The following LRRIQ1 variants were observed in gnomAD, a reference collection of about 807,000 sequenced individuals.
LRRIQ1 encodes the protein leucine rich repeats and IQ motif containing 1.
In LRRIQ1, 210 loss-of-function variants were observed where a neutral mutation model predicts 211.9. That is an observed-to-expected ratio of 0.99 (90% confidence interval 0.89 to 1.11). The LOEUF is 1.11. LRRIQ1 is among the 50% of genes most tolerant of loss of function. LRRIQ1 has a pLI of 0.00. For synonymous variants in LRRIQ1, 699 were observed against 650.1 expected (o/e 1.08, Z -1.14); for missense variants, 2,136 against 1,939.5 (o/e 1.10, Z -1.90).
At chr12:85,220,599 C>CT (rs555880569) in intron 24 of LRRIQ1, among the ~76,000 whole-genome samples, 7 of 149,964 alleles carry the variant, frequency 4.7e-5, no homozygotes, top group East Asian at 1.9e-4. Context: ...AGTAGTGTTT[C>CT]TTTTTTTTGG....
intron 11 of LRRIQ1, among the ~76,000 whole-genome samples, chr12:85,095,040 G>C (rs2136251482): frequency 6.6e-6 from 1 of 152,230 alleles, no homozygotes; most frequent in South Asian, 2.1e-4. Flanking sequence ...GGATTTTCTA[G>C]ATGTAGAATC....
chr12:85,163,020 T>G (rs1437284290), intron 24 of LRRIQ1, among the ~76,000 whole-genome samples: 3 of 152,186 alleles, frequency 2.0e-5, no homozygotes, highest in Non-Finnish European at 4.4e-5. Flanking sequence ...TGTTCATTGC[T>G]GGCCAAGTTG....
In LRRIQ1 at chr12:85,223,330, A is replaced by T. The variant is rs1439849651; in HGVS notation, c.4823-6187A>T. Among the ~76,000 whole-genome samples, 3 of 152,102 alleles carry T rather than the reference A, an allele frequency of 2.0e-5. No individual in the cohort carries two copies. In the East Asian group the frequency reaches 5.8e-4, roughly 29 times the overall value. ...CAACATCTAAAGGAATCTAAAAAGG[A>T]TCCTGAAGGGAGGGAATACTTGATG... On this transcript the variant is annotated intron_variant, in intron 24 of 26. Coordinates refer to ENST00000393217, the MANE Select transcript of LRRIQ1 (RefSeq NM_001079910.2).
chr12:85,214,877 C>T (rs1894004250), intron 24 of LRRIQ1, among the ~76,000 whole-genome samples: 1 of 151,940 alleles, frequency 6.6e-6, no homozygotes, highest in African/African-American at 2.4e-5. Context: ...CCACATACAT[C>T]GAAAGATGTC....
intron 1 of LRRIQ1, among the ~76,000 whole-genome samples, chr12:85,260,842 T>C (rs1199747495): frequency 6.6e-6 from 1 of 152,208 alleles, no homozygotes; most frequent in Non-Finnish European, 1.5e-5. Flanking sequence ...AAATAGTAAG[T>C]AGAAGGAGGA....
rs750836411 is a variant in LRRIQ1 at position 85,056,658 on chromosome 12, A to G, written c.1865A>G (p.Lys622Arg). Reference sequence around the variant, plus strand: ...CTCTCACTAACATCAGAAAATTCCAAAGATGTAAGAGAAAACGTAATATTA... The same window carrying G: ...CTCTCACTAACATCAGAAAATTCCAGAGATGTAAGAGAAAACGTAATATTA... The part of the protein sequence containing the change: ...RSLSLTSENS[K>R]DVRENVILQE... Residue 622 changes from lysine to arginine, a missense_variant, in exon 8 of 27, where the codon AAA (lysine) becomes AGA (arginine). Physicochemically the swap from Lys to Arg is conservative, Grantham distance 26 (BLOSUM62 2). Transcript: ENST00000393217. 4 of 1,599,840 alleles carry G rather than the reference A, an allele frequency of 2.5e-6. No homozygotes were observed. Among genetic ancestry groups the G allele is most frequent in the South Asian group, 1.1e-5 (1 of 87,838 alleles).
At position 85,153,644 on chromosome 12, in the gene LRRIQ1, G is replaced by A; in HGVS notation, c.4542-19G>A. 1 of 1,499,050 alleles carries A rather than the reference G, an allele frequency of 6.7e-7. No homozygotes were observed. Among genetic ancestry groups the A allele is most frequent in the African/African-American group, 1.4e-5 (1 of 71,168 alleles). The allele number at this position is 1,499,050 out of a possible 1,614,324, so 92.9% of individuals were successfully genotyped here. On this transcript the variant is annotated intron_variant, in intron 21 of 26. Coordinates refer to ENST00000393217, the MANE Select transcript of LRRIQ1 (RefSeq NM_001079910.2). ...TACTTGTGTTGATTCAGTTAAAAGTGGTTTTTTTCTATTGCCAGATCAGAA... is the reference window on the plus strand; with the variant it reads ...TACTTGTGTTGATTCAGTTAAAAGTAGTTTTTTTCTATTGCCAGATCAGAA...
At chr12:85,226,274 C>G (rs572176202) in intron 24 of LRRIQ1, among the ~76,000 whole-genome samples, 1 of 152,110 alleles carries the variant, frequency 6.6e-6, no homozygotes, top group Non-Finnish European at 1.5e-5. Context: ...TAAAAGTTTG[C>G]TTATTACAAA....
intron 17 of LRRIQ1, chr12:85,124,813 G>A (rs1888256148): frequency 3.8e-6 from 1 of 261,146 alleles, no homozygotes; most frequent in South Asian, 4.9e-5. Flanking sequence ...GTTTTAAGGA[G>A]AAATAAAATA....
At position 85,078,559 on chromosome 12, in the gene LRRIQ1, TA is replaced by T. The variant is rs548722157; in HGVS notation, c.2887+5462del. Among the ~76,000 whole-genome samples the T allele has an allele frequency of 7.4e-4, 113 of 152,282 alleles. No individual in the cohort carries two copies. In the Middle Eastern group the frequency reaches 0.01, roughly 14 times the overall value. Reference sequence around the variant, plus strand: ...GTAGTTCAATCTTTTTATTCTTATATATTTTTTTACTTTAAATGTTTTTGAG... The same window carrying T: ...GTAGTTCAATCTTTTTATTCTTATATTTTTTTTACTTTAAATGTTTTTGAG... On this transcript the variant is annotated intron_variant, in intron 11 of 26. Transcript: ENST00000393217.
At chr12:85,141,860 G>T (rs1402653254) in intron 19 of LRRIQ1, among the ~76,000 whole-genome samples, 1 of 150,664 alleles carries the variant, frequency 6.6e-6, no homozygotes, top group Admixed American at 6.7e-5. Flanking sequence ...CATTTATCAA[G>T]TATTTTTGTT....
intron 24 of LRRIQ1, among the ~76,000 whole-genome samples, chr12:85,186,724 C>G (rs1313865766): frequency 2.0e-5 from 3 of 152,000 alleles, no homozygotes; most frequent in Non-Finnish European, 4.4e-5. Context: ...TACTTTCAAG[C>G]AGGTTTATTG....
At chr12:85,042,491 T>G (rs1401131359) in intron 3 of LRRIQ1, among the ~76,000 whole-genome samples, 1 of 148,458 alleles carries the variant, frequency 6.7e-6, no homozygotes, top group East Asian at 2.0e-4. Context: ...ATTATCATCA[T>G]AAGTTTATTA....
chr12:85,243,351 T>A (rs1478325700), intron 26 of LRRIQ1, among the ~76,000 whole-genome samples: 1 of 142,826 alleles, frequency 7.0e-6, no homozygotes, highest in Non-Finnish European at 1.5e-5. Flanking sequence ...TTATTATTAT[T>A]ATACTTTAAG....
At chr12:85,170,996 C>A (rs1389256582) in intron 24 of LRRIQ1, among the ~76,000 whole-genome samples, 2 of 151,972 alleles carry the variant, frequency 1.3e-5, no homozygotes, top group African/African-American at 4.8e-5. Flanking sequence ...AAATATCTGG[C>A]ACACAGTGAA....
At chr12:85,244,567 G>A (rs946384088) in intron 26 of LRRIQ1, among the ~76,000 whole-genome samples, 1 of 151,620 alleles carries the variant, frequency 6.6e-6, no homozygotes, top group Non-Finnish European at 1.5e-5. Flanking sequence ...TTGTTGTACA[G>A]ACTCAAATAG....
intron 24 of LRRIQ1, among the ~76,000 whole-genome samples, chr12:85,160,958 A>G (rs1485122582): frequency 6.6e-6 from 1 of 151,996 alleles, no homozygotes; most frequent in East Asian, 1.9e-4. Flanking sequence ...TTTTTTATTT[A>G]TATATGAACG....
Position 85,232,719 on chromosome 12 carries a change from A to C in LRRIQ1, c.4979A>C (p.Asp1660Ala), listed in dbSNP as rs532270364. 6.2e-7 allele frequency: 1 copy of C among 1,612,804 alleles called. No homozygotes were observed. Among genetic ancestry groups the C allele is most frequent in the South Asian group, 1.1e-5 (1 of 90,970 alleles). ...AGCAATCACTTTTTGCCTGAGTTAG[A>C]TCCAGATGTACTTAATGGTGGAAGA... ...MKCNHFLPELDPDVLNGGRVQ... is the reference protein window; with the variant it reads ...MKCNHFLPELAPDVLNGGRVQ... The change falls in exon 26 of 27, where the codon GAT becomes GCT. Residue 1660 changes from aspartate (D) to alanine (A), a missense_variant. Physicochemically the swap from Asp to Ala is moderately radical, Grantham distance 126. Coordinates refer to ENST00000393217, the MANE Select transcript of LRRIQ1 (RefSeq NM_001079910.2).
chr12:85,152,418 A>G (rs2136668721), intron 20 of LRRIQ1, 49 bp downstream of exon 20: 1 of 1,439,336 alleles, frequency 6.9e-7, no homozygotes, highest in Non-Finnish European at 9.7e-7. Context: ...CTCATTTCTT[A>G]AGGTTATGCT....
Sources: gnomAD v4.1 joint callset for allele counts (sites outside exome capture counted in the v4.1 genomes callset) on GRCh38, gnomAD v4.1.1 for gene constraint, MANE v1.5 for transcripts, NCBI Gene and HGNC (gene_info 2026-07-23, HGNC 2026-07-21) for gene names.